The following UCN3 variants were observed in gnomAD, a reference collection of about 807,000 sequenced individuals.
The protein encoded by UCN3 is urocortin 3.
In UCN3, 3 loss-of-function variants were observed where a neutral mutation model predicts 3.6. The observed-to-expected ratio is 0.83, with a 90% CI of 0.38 to 2.15. The LOEUF (loss-of-function observed/expected upper bound fraction) is 2.15. UCN3 is among the 30% of genes most tolerant of loss of function. UCN3 has a pLI of 0.06. For synonymous variants in UCN3, 100 were observed against 93.2 expected (o/e 1.07, Z -0.42); for missense variants, 206 against 208.3 (o/e 0.99, Z 0.07).
rs1310554970 is a variant in UCN3 at position 5,370,871 on chromosome 10, GTGTGTGTATA to G, written c.-6-2841_-6-2832del. Among the ~76,000 whole-genome samples, 114 of 135,376 alleles carry G rather than the reference GTGTGTGTATA, an allele frequency of 8.4e-4. 10 individuals carry two copies. Among genetic ancestry groups the G allele is most frequent in the East Asian group, 2.6e-3 (11 of 4,296 alleles). The allele number at this position is 135,376 out of a possible 152,430, so 88.8% of individuals were successfully genotyped here. On this transcript the variant is annotated intron_variant, in intron 1 of 1. Transcript: ENST00000380433. Reference sequence around the variant, plus strand: ...TGTGCGCGTGTGTGTGCGTGTGTATGTGTGTGTATATGCGTGTGTATATGCGTGTGTATAT... The same window carrying G: ...TGTGCGCGTGTGTGTGCGTGTGTATGTGCGTGTGTATATGCGTGTGTATAT...
intron 1 of UCN3, among the ~76,000 whole-genome samples, chr10:5,371,784 T>C (rs1443915321): frequency 1.3e-5 from 2 of 152,230 alleles, no homozygotes; most frequent in Non-Finnish European, 2.9e-5. Flanking sequence ...GTGATTTACT[T>C]ACCCAATTGT....
At chr10:5,372,716 AT>A (rs1156663637) in intron 1 of UCN3, among the ~76,000 whole-genome samples, 5,013 of 127,616 alleles carry the variant, frequency 0.039, 101 homozygotes, top group East Asian at 0.12. Context: ...CGCCCAGCTA[AT>A]TTTTTTTTTT....
chr10:5,370,723 T>TG (rs1554811336), intron 1 of UCN3, among the ~76,000 whole-genome samples: 12 of 118,014 alleles, frequency 1.0e-4, no homozygotes, highest in African/African-American at 4.2e-4. Flanking sequence ...TGTGTGTGTA[T>TG]ATGCGTGTGT....
chr10:5,370,518 T>TGTATGTGTGTGTATATGC lies in UCN3; in HGVS notation c.-6-3195_-6-3194insATGTGTGTGTATATGCGT, dbSNP rs1831372003. Among the ~76,000 whole-genome samples the TGTATGTGTGTGTATATGC allele has an allele frequency of 3.6e-5, 4 of 110,346 alleles. No homozygotes were observed. The South Asian group carries it at 1.5e-3, about 42-fold the overall frequency. 72.4% of individuals were successfully genotyped at this position (110,346 alleles called of 152,430 possible). A position where few individuals can be genotyped will look rare whatever the true frequency, so the allele number is the denominator to read the frequency against. ...GTGTGTATATGCGTGTGTATATGTGTGTGTATGTGTGTGTGTATATGCGTG... is the reference window on the plus strand; with the variant it reads ...GTGTGTATATGCGTGTGTATATGTGTGTATGTGTGTGTATATGCGTGTATGTGTGTGTGTATATGCGTG... On this transcript the variant is annotated intron_variant, in intron 1 of 1. Coordinates refer to ENST00000380433, the MANE Select transcript of UCN3 (RefSeq NM_053049.4).
At chr10:5,370,368 TGTGTATATGC>T (rs1309221025) in intron 1 of UCN3, among the ~76,000 whole-genome samples, 5 of 14,790 alleles carry the variant, frequency 3.4e-4, no homozygotes, top group Admixed American at 6.2e-4. Context: ...TGTATATGCG[TGTGTATATGC>T]GTGTATATGC....
chr10:5,372,236 TC>T, intron 1 of UCN3, among the ~76,000 whole-genome samples: 12 of 152,170 alleles, frequency 7.9e-5, no homozygotes, highest in African/African-American at 2.9e-4. Flanking sequence ...GGGTTTGATC[TC>T]AGGGCACAGG....
In UCN3 at chr10:5,370,555, ATATGTGTGTG is replaced by A. The variant is rs1366560912; in HGVS notation, c.-6-3156_-6-3147del. 1.2e-3 allele frequency among the ~76,000 whole-genome samples: 70 copies of A among 59,018 alleles called. 14 individuals are homozygous for A. The highest frequency in any genetic ancestry group is 5.0e-3 in the African/African-American group (67 of 13,394). The allele number at this position is 59,018 out of a possible 152,430, so 38.7% of individuals were successfully genotyped here. A position where few individuals can be genotyped will look rare whatever the true frequency, so the allele number is the denominator to read the frequency against. Reference sequence around the variant, plus strand: ...TGTGTATATGCGTGTATATGTGTGTATATGTGTGTGTATATGCGTGTATATGTGTGTATAT... The same window carrying A: ...TGTGTATATGCGTGTATATGTGTGTATATATGCGTGTATATGTGTGTATAT... On this transcript the variant is annotated intron_variant, in intron 1 of 1. Transcript: ENST00000380433.
rs532531259 is a variant in UCN3, at chr10:5,366,198, C to T, written c.-7+968C>T. On this transcript the variant is annotated intron_variant, in intron 1 of 1. Transcript: ENST00000380433. This position sits in a 1 kb window ranked among gnomAD's most constrained non-coding sequence, Gnocchi z 4.2. ...TGAGGTGCTGGGAATTGGAGGCTGA[C>T]CCAGGTCCCTCACGTTTCAGTGCTT... Among the ~76,000 whole-genome samples, 24 of 152,280 alleles carry T rather than the reference C, an allele frequency of 1.6e-4. No homozygotes were observed. The highest frequency in any genetic ancestry group is 5.5e-4 in the African/African-American group (23 of 41,556).
Position 5,374,335 on chromosome 10 carries a change from C to T in UCN3, c.*129C>T. ...TGTTTTGTGGGATCAGTCAGTTTTA[C>T]AGGTTGCTGCACTGCTGAGCCCCTC... On this transcript the variant is annotated 3_prime_UTR_variant, in exon 2 of 2. Transcript: ENST00000380433. 2 of 906,958 alleles carry T rather than the reference C, an allele frequency of 2.2e-6. No individual in the cohort carries two copies. The highest frequency in any genetic ancestry group is 3.3e-6 in the Non-Finnish European group (2 of 607,602). 56.2% of individuals were successfully genotyped at this position (906,958 alleles called of 1,614,324 possible).
chr10:5,370,209 G>A (rs62651862), intron 1 of UCN3, among the ~76,000 whole-genome samples: 18 of 20,480 alleles, frequency 8.8e-4, no homozygotes, highest in Non-Finnish European at 9.2e-4. Flanking sequence ...ATATGCGTGT[G>A]TATGTGTGTG....
Position 5,370,804 on chromosome 10 carries a change from TGTGTGTGTGC to T in UCN3, c.-6-2899_-6-2890del, listed in dbSNP as rs782715738. On this transcript the variant is annotated intron_variant, in intron 1 of 1. Transcript: ENST00000380433. ...GTGTGTGTGTGTATGCGTGTGTATA[TGTGTGTGTGC>T]GTGTGTGTGCGCGCGTGTGTGTGCG... Among the ~76,000 whole-genome samples, 396 of 136,158 alleles carry T rather than the reference TGTGTGTGTGC, an allele frequency of 2.9e-3. 19 individuals carry two copies. The highest frequency in any genetic ancestry group is 9.7e-3 in the East Asian group (39 of 4,024). The allele number at this position is 136,158 out of a possible 152,430, so 89.3% of individuals were successfully genotyped here.
chr10:5,370,046 C>CGT (rs1244111317), intron 1 of UCN3, among the ~76,000 whole-genome samples: 2 of 10,944 alleles, frequency 1.8e-4, no homozygotes, highest in African/African-American at 3.6e-4. Flanking sequence ...TGTGTATATG[C>CGT]GTGTGTATGT....
chr10:5,370,850 CGCGT>C lies in UCN3; in HGVS notation c.-6-2863_-6-2860del, dbSNP rs1481385467. Among the ~76,000 whole-genome samples, 5 of 63,702 alleles carry C rather than the reference CGCGT, an allele frequency of 7.8e-5. 1 individual carries two copies. The highest frequency in any genetic ancestry group is 1.2e-4 in the African/African-American group (2 of 17,118). 41.8% of individuals were successfully genotyped at this position (63,702 alleles called of 152,430 possible). ...GCGCGTGTGTGTGCGCGTGTGTGTG[CGCGT>C]GTGTGTGCGTGTGTATGTGTGTGTA... On this transcript the variant is annotated intron_variant, in intron 1 of 1. Transcript: ENST00000380433.
chr10:5,369,892 TG>T (rs1831319145), intron 1 of UCN3, among the ~76,000 whole-genome samples: 1 of 122,622 alleles, frequency 8.2e-6, no homozygotes, highest in African/African-American at 3.6e-5. Flanking sequence ...TGTATATGTG[TG>T]TGTGTATATG....
In UCN3 at chr10:5,374,283, A is replaced by AGGGCGGGGGGGGGGGGGGGGG. The variant is rs1831474913; in HGVS notation, c.*80_*81insCGGGGGGGGGGGGGGGGGGGG. ...GAGGGGAGGGCGAGGGGGGGAGGGG[A>AGGGCGGGGGGGGGGGGGGGGG]GGGGGAGGGTGCTGTCTGCTGGTTT... is the stretch of plus-strand genomic sequence containing the variant. On this transcript the variant is annotated 3_prime_UTR_variant, in exon 2 of 2. Transcript: ENST00000380433. 1 of 48,914 alleles carries AGGGCGGGGGGGGGGGGGGGGG rather than the reference A, an allele frequency of 2.0e-5. No individual in the cohort carries two copies. Among genetic ancestry groups the AGGGCGGGGGGGGGGGGGGGGG allele is most frequent in the African/African-American group, 1.5e-4 (1 of 6,474 alleles). 3.0% of individuals were successfully genotyped at this position (48,914 alleles called of 1,614,324 possible).
chr10:5,370,599 G>GTA (rs1479919701), intron 1 of UCN3, among the ~76,000 whole-genome samples: 2 of 74,316 alleles, frequency 2.7e-5, no homozygotes, highest in African/African-American at 5.4e-5. Context: ...ATGTGTGTGT[G>GTA]TATGCGTGTG....
rs1831462161 is a variant in UCN3 at position 5,373,825 on chromosome 10, C to T, written c.105C>T (p.Cys35=). The part of the protein sequence containing the change: ...KFYKAKPIFS[C]LNTALSEAEK... ...ACAAAGCCAAGCCCATCTTCAGCTGCCTCAACACCGCCCTGTCTGAGGCTG... is the reference window on the plus strand; with the variant it reads ...ACAAAGCCAAGCCCATCTTCAGCTGTCTCAACACCGCCCTGTCTGAGGCTG... Residue 35 remains cysteine, a synonymous_variant, in exon 2 of 2, where the codon TGC becomes TGT. Transcript: ENST00000380433. 3 of 1,614,086 alleles carry T rather than the reference C, an allele frequency of 1.9e-6. No individual in the cohort carries two copies. The East Asian group carries it at 6.7e-5, about 36-fold the overall frequency.
At chr10:5,368,988 T>A (rs1348273547) in intron 1 of UCN3, among the ~76,000 whole-genome samples, 1 of 152,136 alleles carries the variant, frequency 6.6e-6, no homozygotes, top group Non-Finnish European at 1.5e-5. Flanking sequence ...TAGAAATGCA[T>A]GTTCTCAGGA....
rs1834128662 is a variant in UCN3, at chr10:5,367,563, G to C, written c.-7+2333G>C. Among the ~76,000 whole-genome samples, 2 of 152,202 alleles carry C rather than the reference G, an allele frequency of 1.3e-5. No homozygotes were observed. Among genetic ancestry groups the C allele is most frequent in the African/African-American group, 4.8e-5 (2 of 41,436 alleles). On this transcript the variant is annotated intron_variant, in intron 1 of 1. Transcript: ENST00000380433. The surrounding 1 kb of genome is among the most constrained non-coding windows in gnomAD (Gnocchi z 4.3). Reference sequence around the variant, plus strand: ...TTTCCAAGCATCCTGAGTCACTGCTGAGAGCCAAATGACCCAGAGGGATAG... The same window carrying C: ...TTTCCAAGCATCCTGAGTCACTGCTCAGAGCCAAATGACCCAGAGGGATAG...
Sources: allele counts gnomAD v4.1 joint callset (sites outside exome capture counted in the v4.1 genomes callset), GRCh38; gene constraint gnomAD v4.1.1; non-coding constraint Gnocchi (gnomAD v3.1); transcripts MANE v1.5; gene names NCBI Gene and HGNC (gene_info 2026-07-23, HGNC 2026-07-21).